Variants in SLC11A2 observed in about 807,000 individuals in gnomAD.
SLC11A2 encodes the protein natural resistance-associated macrophage protein 2.
A neutral mutation model predicts 68.0 loss-of-function variants in SLC11A2; 38 were observed. The ratio of observed to expected loss-of-function variants is 0.56; its 90% confidence interval spans 0.43 to 0.73. The LOEUF is 0.73. Ranked by LOEUF, SLC11A2 falls within the 30% of genes least tolerant of loss-of-function variation. SLC11A2 has a pLI of 0.00. For synonymous variants in SLC11A2, 242 were observed against 250.6 expected (o/e 0.97, Z 0.32); for missense variants, 517 against 690.5 (o/e 0.75, Z 2.82).
At chr12:51,014,879 G>C (rs1943508632) in intron 1 of SLC11A2, among the ~76,000 whole-genome samples, 1 of 151,426 alleles carries the variant, frequency 6.6e-6, no homozygotes, top group Non-Finnish European at 1.5e-5. Context: ...AAATAAAAGA[G>C]GTCAGGCGTG....
the SLC11A2 span, among the ~76,000 whole-genome samples, chr12:50,965,985 G>C: frequency 1.3e-5 from 2 of 152,280 alleles, no homozygotes; most frequent in East Asian, 3.9e-4. Context: ...ACCAAACCTA[G>C]AGCTTTTCTG....
chr12:51,019,261 A>T (rs1008271188), intron 1 of SLC11A2, among the ~76,000 whole-genome samples: 6 of 152,304 alleles, frequency 3.9e-5, no homozygotes, highest in African/African-American at 4.8e-5. Flanking sequence ...CTCATTTTTT[A>T]AAAAAATTAT....
chr12:50,963,791 TAAAAG>T, the SLC11A2 span, among the ~76,000 whole-genome samples: 1 of 152,190 alleles, frequency 6.6e-6, no homozygotes, highest in African/African-American at 2.4e-5. Context: ...ACCCTGGTAA[TAAAAG>T]GAAAGGAATT....
chr12:50,995,855 G>T (rs1055171358), intron 9 of SLC11A2, 68 bp from the exon 10 acceptor site: 3 of 1,506,164 alleles, frequency 2.0e-6, no homozygotes, highest in Admixed American at 1.7e-5. Flanking sequence ...CATTTCAGGA[G>T]TTTGGAGTCA....
chr12:50,991,668 G>A lies in SLC11A2; in HGVS notation c.1352C>T (p.Pro451Leu). 1.9e-6 allele frequency: 3 copies of A among 1,613,526 alleles called. No homozygotes were observed. Among genetic ancestry groups the A allele is most frequent in the Non-Finnish European group, 1.7e-6 (2 of 1,179,724 alleles). Reference sequence around the variant, plus strand: ...TGTGAGGATGGGTATGAGAGCAAAGGGAAGCTGGAAAAGAAAGAAGATCAG... The same window carrying A: ...TGTGAGGATGGGTATGAGAGCAAAGAGAAGCTGGAAAAGAAAGAAGATCAG... ...FLNVLQSLQL[P>L]FALIPILTFT... The change falls in exon 14 of 16, where the codon CCC becomes CTC. Residue 451 changes from proline to leucine, a missense_variant. Physicochemically the swap from Pro to Leu is moderately conservative, Grantham distance 98 (BLOSUM62 -3). Transcript: ENST00000262052.
In SLC11A2 at chr12:50,986,918, A is replaced by G; in HGVS notation, c.*1407T>C. 3.1e-6 allele frequency: 4 copies of G among 1,287,158 alleles called. No homozygotes were observed. The highest frequency in any genetic ancestry group is 4.0e-6 in the Non-Finnish European group (4 of 988,692). 79.7% of individuals were successfully genotyped at this position (1,287,158 alleles called of 1,614,324 possible). ...GAACAGCGAACACCAATCAGCCAGG[A>G]CTCTGGAAGGAAAGCTCCAAAAATG... On this transcript the variant is annotated 3_prime_UTR_variant, in exon 16 of 16. Coordinates refer to ENST00000262052, the MANE Select transcript of SLC11A2 (RefSeq NM_000617.3).
intron 9 of SLC11A2, among the ~76,000 whole-genome samples, chr12:50,996,469 A>G (rs224578): frequency 0.91 from 138,284 of 151,974 alleles, 63,204 homozygotes; most frequent in East Asian, 0.98. Context: ...CAGGTACTCA[A>G]GAGGCTGAGG....
chr12:50,992,758 A>G, intron 12 of SLC11A2, 52 bp downstream of exon 12: 1 of 1,580,016 alleles, frequency 6.3e-7, no homozygotes, highest in Non-Finnish European at 8.7e-7. Flanking sequence ...AAGAAGAAGA[A>G]GAAGTAACAA....
In SLC11A2 at chr12:50,987,933, T is replaced by C. The variant is rs142574280; in HGVS notation, c.*392A>G. Reference sequence around the variant, plus strand: ...TACATTTTGATAAATAAAACTTGCATACTCATTCTGTAGTTTGTATAATAA... The same window carrying C: ...TACATTTTGATAAATAAAACTTGCACACTCATTCTGTAGTTTGTATAATAA... On this transcript the variant is annotated 3_prime_UTR_variant, in exon 16 of 16. Transcript: ENST00000262052. 7.8e-7 allele frequency: 1 copy of C among 1,280,168 alleles called. No homozygotes were observed. The highest frequency in any genetic ancestry group is 1.3e-5 in the South Asian group (1 of 79,592). The allele number at this position is 1,280,168 out of a possible 1,614,324, so 79.3% of individuals were successfully genotyped here. A position where few individuals can be genotyped will look rare whatever the true frequency, so the allele number is the denominator to read the frequency against.
the SLC11A2 span, among the ~76,000 whole-genome samples, chr12:50,956,252 T>C: frequency 0.48 from 72,299 of 151,780 alleles, 18,207 homozygotes; most frequent in South Asian, 0.65. Context: ...ATTAGCTGGG[T>C]GTGGTGGCAG....
At chr12:50,963,688 G>A in the SLC11A2 span, among the ~76,000 whole-genome samples, 1 of 152,140 alleles carries the variant, frequency 6.6e-6, no homozygotes, top group Admixed American at 6.5e-5. Context: ...AAGCAAAACT[G>A]TACCGCAACA....
chr12:51,009,199 C>A, intron 2 of SLC11A2: 1 of 1,471,200 alleles, frequency 6.8e-7, no homozygotes, highest in Non-Finnish European at 9.0e-7. Context: ...ACAGTTCAGG[C>A]TAAACTCTGA....
At chr12:51,009,295 C>G (rs757762274) in intron 2 of SLC11A2, 6 of 1,290,286 alleles carry the variant, frequency 4.7e-6, no homozygotes, top group Non-Finnish European at 2.9e-6. Context: ...GGTACTGGCA[C>G]CCTCGTGATG....
intron 1 of SLC11A2, among the ~76,000 whole-genome samples, chr12:51,018,789 A>G (rs1361613178): frequency 2.0e-5 from 3 of 152,194 alleles, no homozygotes; most frequent in Non-Finnish European, 4.4e-5. Flanking sequence ...AAATAAATAA[A>G]TAGTTTGGGT....
chr12:50,960,212 C>G, the SLC11A2 span, among the ~76,000 whole-genome samples: 1 of 152,194 alleles, frequency 6.6e-6, no homozygotes, highest in African/African-American at 2.4e-5. Flanking sequence ...ACCTTTTCAT[C>G]TCTCACTAAA....
At chr12:50,997,846 G>A (rs969068089) in intron 8 of SLC11A2, among the ~76,000 whole-genome samples, 8 of 150,730 alleles carry the variant, frequency 5.3e-5, no homozygotes, top group Non-Finnish European at 1.0e-4. Flanking sequence ...AAATTAACCA[G>A]GCACGGTGGC....
chr12:50,985,988 C>A, downstream of SLC11A2: 8 of 1,136,242 alleles, frequency 7.0e-6, no homozygotes, highest in South Asian at 3.8e-5. Flanking sequence ...CCCAGGAAAC[C>A]AAATTGGAAA....
At chr12:51,020,375 GA>G (rs928567991) in intron 1 of SLC11A2, among the ~76,000 whole-genome samples, 305 of 150,668 alleles carry the variant, frequency 2.0e-3, no homozygotes, top group African/African-American at 7.1e-3. Context: ...ATGATACACA[GA>G]AAAAAAAAGT....
intron 1 of SLC11A2, among the ~76,000 whole-genome samples, chr12:51,013,289 CTTTTTTT>C (rs10588295): frequency 7.6e-6 from 1 of 130,986 alleles, no homozygotes; most frequent in South Asian, 2.4e-4. Flanking sequence ...AATTAAATTG[CTTTTTTT>C]TTTTTTTTTT....
Sources: allele counts gnomAD v4.1 joint callset (sites outside exome capture counted in the v4.1 genomes callset), GRCh38; gene constraint gnomAD v4.1.1; transcripts MANE v1.5; gene names NCBI Gene and HGNC (gene_info 2026-07-23, HGNC 2026-07-21).